The following CASZ1 variants were observed in gnomAD, a reference collection of about 807,000 sequenced individuals.
CASZ1 encodes the protein zinc finger protein castor homolog 1.
In CASZ1, 28 loss-of-function variants were observed where a neutral mutation model predicts 135.2. That is an observed-to-expected ratio of 0.21 (90% CI 0.15 to 0.28). The LOEUF (loss-of-function observed/expected upper bound fraction) is 0.28, where lower values mean the gene tolerates loss of function less well. CASZ1 is among the 10% of genes least tolerant of loss of function. CASZ1 has a pLI of 1.00. For synonymous variants in CASZ1, 1,068 were observed against 1,073.4 expected, an observed-to-expected ratio of 0.99 and a Z score of 0.10; for missense variants, 2,161 against 2,453.3, an observed-to-expected ratio of 0.88 and a Z score of 2.52.
intron 1 of CASZ1, among the ~76,000 whole-genome samples, chr1:10,796,244 G>A (rs937787782): frequency 6.6e-6 from 1 of 152,008 alleles, no homozygotes; most frequent in African/African-American, 2.4e-5. Context: ...CGACCCCCAG[G>A]AGGAGCAGCC....
intron 1 of CASZ1, among the ~76,000 whole-genome samples, chr1:10,795,526 C>T (rs1259948886): frequency 6.6e-6 from 1 of 151,928 alleles, no homozygotes; most frequent in African/African-American, 2.4e-5. Flanking sequence ...GCCCGCTAGC[C>T]CGCCAGCCCA....
intron 4 of CASZ1, among the ~76,000 whole-genome samples, chr1:10,675,127 C>A (rs1037678464): frequency 1.6e-4 from 24 of 152,256 alleles, no homozygotes; most frequent in African/African-American, 5.8e-4. Context: ...CATGTTTGCA[C>A]AGAAAAGCTC....
chr1:10,771,351 C>T (rs10864470), intron 1 of CASZ1, among the ~76,000 whole-genome samples: 79,903 of 151,794 alleles, frequency 0.53, 25,000 homozygotes, highest in Non-Finnish European at 0.7. Context: ...TTTGGTTCCC[C>T]GCTGTCTGCA....
In CASZ1 at chr1:10,666,309, C is replaced by T. The variant is rs1225978929; in HGVS notation, c.17-738G>A. Among the ~76,000 whole-genome samples, 4 of 152,216 alleles carry T rather than the reference C, an allele frequency of 2.6e-5. No individual in the cohort carries two copies. Among genetic ancestry groups the T allele is most frequent in the Non-Finnish European group, 4.4e-5 (3 of 68,030 alleles). Reference sequence around the variant, plus strand: ...CTCAGTCTCCTCCCTGCCTCAGGGTCTTCTCCAGCCCTTGCCAGCCCCCTC... The same window carrying T: ...CTCAGTCTCCTCCCTGCCTCAGGGTTTTCTCCAGCCCTTGCCAGCCCCCTC... On this transcript the variant is annotated intron_variant, in intron 4 of 20. Coordinates refer to ENST00000377022, the MANE Select transcript of CASZ1 (RefSeq NM_001079843.3). This position sits in a 1 kb window ranked among gnomAD's most constrained non-coding sequence, Gnocchi z 5.2.
intron 4 of CASZ1, among the ~76,000 whole-genome samples, chr1:10,682,227 G>A (rs1333560777): frequency 1.3e-5 from 2 of 152,154 alleles, no homozygotes; most frequent in Non-Finnish European, 2.9e-5. Context: ...GGGTGAGGCT[G>A]TGAGATCAGG....
chr1:10,653,105 C>T (rs1369899665), intron 11 of CASZ1: 4 of 514,090 alleles, frequency 7.8e-6, no homozygotes, highest in South Asian at 2.0e-5. Flanking sequence ...CCCAGGGATG[C>T]AGGGCAGCCG....
intron 1 of CASZ1, among the ~76,000 whole-genome samples, chr1:10,766,135 C>A (rs1170716217): frequency 6.6e-6 from 1 of 152,056 alleles, no homozygotes; most frequent in African/African-American, 2.4e-5. Context: ...GATGATCTAT[C>A]TGCAGGAACC....
At chr1:10,662,734 C>G (rs542297642) in intron 5 of CASZ1, among the ~76,000 whole-genome samples, 1 of 152,270 alleles carries the variant, frequency 6.6e-6, no homozygotes, top group South Asian at 2.1e-4. Context: ...GACTCACAGA[C>G]ACCACACACT....
intron 1 of CASZ1, among the ~76,000 whole-genome samples, chr1:10,769,606 C>G (rs1640537980): frequency 6.6e-6 from 1 of 151,516 alleles, no homozygotes; most frequent in Admixed American, 6.6e-5. Flanking sequence ...AACCTCTGTT[C>G]CCCGGGTTCA....
At chr1:10,715,618 TCCCCACAGCACCCAATCCGCA>T (rs1268700655) in intron 2 of CASZ1, among the ~76,000 whole-genome samples, 62 of 49,442 alleles carry the variant, frequency 1.3e-3, no homozygotes, top group Admixed American at 1.9e-3. Context: ...CCCAATCCGC[TCCCCACAGCACCCAATCCGCA>T]CCCCACAGCA....
intron 1 of CASZ1, among the ~76,000 whole-genome samples, chr1:10,795,498 G>A (rs1641047680): frequency 6.6e-6 from 1 of 151,742 alleles, no homozygotes; most frequent in Non-Finnish European, 1.5e-5. Context: ...AGCCCCCCCG[G>A]AGCGCACCAC....
Position 10,646,986 on chromosome 1 carries a change from G to T in CASZ1, c.3498-660C>A, listed in dbSNP as rs1292463267. On this transcript the variant is annotated intron_variant, in intron 16 of 20. Transcript: ENST00000377022. The surrounding 1 kb of genome is among the most constrained non-coding windows in gnomAD (Gnocchi z 6.4). ...TCCAGGATGCAGAGGGGTGCAGGAG[G>T]ACACTGGTCCCAGCCTTCAACTCTG... Among the ~76,000 whole-genome samples, 1 of 152,102 alleles carries T rather than the reference G, an allele frequency of 6.6e-6. No individual in the cohort carries two copies. Among genetic ancestry groups the T allele is most frequent in the Non-Finnish European group, 1.5e-5 (1 of 68,000 alleles).
intron 2 of CASZ1, among the ~76,000 whole-genome samples, chr1:10,708,702 T>C (rs1639223967): frequency 6.6e-6 from 1 of 152,096 alleles, no homozygotes; most frequent in East Asian, 1.9e-4. Flanking sequence ...GGCTGGCTTC[T>C]GTTAATTTGC....
rs1425724909 is a variant in CASZ1, at chr1:10,694,880, T to C, written c.-23-968A>G. On this transcript the variant is annotated intron_variant, in intron 3 of 20. Transcript: ENST00000377022. This position sits in a 1 kb window ranked among gnomAD's most constrained non-coding sequence, Gnocchi z 6.6. ...GGCGCCCGCGGGCACGCGCCCACTC[T>C]TGCCGGCCGCCGGCGGCCGCGCGCG... 7.0e-6 allele frequency among the ~76,000 whole-genome samples: 1 copy of C among 142,858 alleles called. No homozygotes were observed. The highest frequency in any genetic ancestry group is 1.5e-5 in the Non-Finnish European group (1 of 64,590). The allele number at this position is 142,858 out of a possible 152,430, so 93.7% of individuals were successfully genotyped here.
chr1:10,690,873 G>A (rs1570481795), intron 4 of CASZ1, among the ~76,000 whole-genome samples: 1 of 152,154 alleles, frequency 6.6e-6, no homozygotes, highest in Non-Finnish European at 1.5e-5. Flanking sequence ...GTGCTTCACC[G>A]CCATTTTCAC....
rs1638892702 is a variant in CASZ1 at position 10,694,885 on chromosome 1, G to A, written c.-23-973C>T. On this transcript the variant is annotated intron_variant, in intron 3 of 20. Transcript: ENST00000377022. This position sits in a 1 kb window ranked among gnomAD's most constrained non-coding sequence, Gnocchi z 6.6. ...CCGCGGGCACGCGCCCACTCTTGCCGGCCGCCGGCGGCCGCGCGCGCGCTC... is the reference window on the plus strand; with the variant it reads ...CCGCGGGCACGCGCCCACTCTTGCCAGCCGCCGGCGGCCGCGCGCGCGCTC... 1.4e-5 allele frequency among the ~76,000 whole-genome samples: 2 copies of A among 143,506 alleles called. No homozygotes were observed. Among genetic ancestry groups the A allele is most frequent in the Admixed American group, 6.8e-5 (1 of 14,606 alleles). 94.1% of individuals were successfully genotyped at this position (143,506 alleles called of 152,430 possible).
rs1193981721 is a variant in CASZ1 at position 10,707,671 on chromosome 1, C to A, written c.-76-2127G>T. On this transcript the variant is annotated intron_variant, in intron 2 of 20. Coordinates refer to ENST00000377022, the MANE Select transcript of CASZ1 (RefSeq NM_001079843.3). This position sits in a 1 kb window ranked among gnomAD's most constrained non-coding sequence, Gnocchi z 5.0. ...CTGTCCCTGGGTGGGATCTGGGACC[C>A]TGGGATACTGGGACCCCAGTGGGGG... Among the ~76,000 whole-genome samples the A allele has an allele frequency of 6.6e-6, 1 of 152,098 alleles. No individual in the cohort carries two copies. Among genetic ancestry groups the A allele is most frequent in the Non-Finnish European group, 1.5e-5 (1 of 68,006 alleles).
rs951833879 is a variant in CASZ1 at position 10,739,110 on chromosome 1, A to G, written c.-77+21591T>C. The stretch of plus-strand genomic sequence containing the variant: ...TTGCTGGGGGTCCGGGGGAAGAAGG[A>G]AAAAAAGCAACAACAATAACGAGAA... On this transcript the variant is annotated intron_variant, in intron 2 of 20. Coordinates refer to ENST00000377022, the MANE Select transcript of CASZ1 (RefSeq NM_001079843.3). The surrounding 1 kb of genome is among the most constrained non-coding windows in gnomAD (Gnocchi z 4.8). Among the ~76,000 whole-genome samples, 1 of 151,972 alleles carries G rather than the reference A, an allele frequency of 6.6e-6. No homozygotes were observed. Among genetic ancestry groups the G allele is most frequent in the African/African-American group, 2.4e-5 (1 of 41,356 alleles).
intron 2 of CASZ1, among the ~76,000 whole-genome samples, chr1:10,710,300 C>T (rs1639261105): frequency 6.6e-6 from 1 of 152,136 alleles, no homozygotes; most frequent in South Asian, 2.1e-4. Flanking sequence ...CATGCCTGGC[C>T]AGGGACTTCA....
Sources: gnomAD v4.1 joint callset for allele counts (sites outside exome capture counted in the v4.1 genomes callset) on GRCh38, gnomAD v4.1.1 for gene constraint, Gnocchi (gnomAD v3.1) non-coding constraint, MANE v1.5 for transcripts, NCBI Gene and HGNC (gene_info 2026-07-23, HGNC 2026-07-21) for gene names.